The following ASAP3 variants were observed in gnomAD, a reference collection of about 807,000 sequenced individuals.
The protein encoded by ASAP3 is arf-GAP with SH3 domain, ANK repeat and PH domain-containing protein 3.
In ASAP3, 85 loss-of-function variants were observed where a neutral mutation model predicts 118.2. The observed-to-expected ratio is 0.72, with a 90% CI of 0.60 to 0.86. The LOEUF is 0.86. Among genes scored for constraint, ASAP3 ranks in the 40% least tolerant of loss-of-function variants. ASAP3 has a pLI of 0.00. For synonymous variants in ASAP3, 432 were observed against 477.4 expected (o/e 0.90, Z 1.24); for missense variants, 1,026 against 1,175.0 (o/e 0.87, Z 1.85).
At chr1:23,459,170 CAAA>C (rs59149141) in intron 1 of ASAP3, among the ~76,000 whole-genome samples, 4 of 68,294 alleles carry the variant, frequency 5.9e-5, no homozygotes, top group South Asian at 6.5e-4. Context: ...GACTCCATCT[CAAA>C]AAAAAAAAAA....
At position 23,441,652 on chromosome 1, in the gene ASAP3, T is replaced by TA. The variant is rs763480846; in HGVS notation, c.747+2dup. On this transcript the variant is annotated splice_region_variant and intron_variant, in intron 8 of 24. Transcript: ENST00000336689. ...ACGTGCCCAAGGGTGAGACCCAACT[T>TA]ACTGCATGTACTGAGGCCGCCAGCT... is the stretch of plus-strand genomic sequence containing the variant. The TA allele has an allele frequency of 5.6e-6, 9 of 1,614,086 alleles. No homozygotes were observed. Among genetic ancestry groups the TA allele is most frequent in the Non-Finnish European group, 7.6e-6 (9 of 1,180,008 alleles).
intron 1 of ASAP3, among the ~76,000 whole-genome samples, chr1:23,481,795 T>G (rs775543051): frequency 3.0e-4 from 45 of 152,330 alleles, no homozygotes; most frequent in Admixed American, 9.2e-4. Context: ...TGTCCATGGA[T>G]AAGGTTCATA....
upstream of ASAP3, chr1:23,484,336 C>G (rs973071401): frequency 2.2e-6 from 1 of 445,770 alleles, no homozygotes; most frequent in African/African-American, 2.1e-5. Context: ...CTTCCTCCAC[C>G]GCCAAGGTCC....
chr1:23,441,791 A>G, intron 7 of ASAP3, 61 bp from the exon 8 acceptor site: 1 of 1,579,942 alleles, frequency 6.3e-7, no homozygotes, highest in Non-Finnish European at 8.7e-7. Flanking sequence ...AGATGAAGCC[A>G]GAAGTGTGGG....
intron 23 of ASAP3, 130 bp downstream of exon 23, chr1:23,431,566 A>G (rs1036228186): frequency 1.0e-5 from 9 of 902,740 alleles, no homozygotes; most frequent in African/African-American, 8.6e-5. Flanking sequence ...GCATTTCTGC[A>G]TAAGTGATGG....
At chr1:23,453,067 C>CA (rs1372902621) in intron 3 of ASAP3, among the ~76,000 whole-genome samples, 1 of 152,076 alleles carries the variant, frequency 6.6e-6, no homozygotes, top group African/African-American at 2.4e-5. Context: ...CGAGGTGTGT[C>CA]AGAGTGAGCC....
chr1:23,445,357 G>T (rs1270487652), intron 5 of ASAP3, among the ~76,000 whole-genome samples: 1 of 152,080 alleles, frequency 6.6e-6, no homozygotes, highest in Admixed American at 6.5e-5. Context: ...CAGGCATGGT[G>T]GTGTGTGCCT....
chr1:23,442,423 G>C (rs1640905185), intron 6 of ASAP3, 78 bp downstream of exon 6: 2 of 1,596,338 alleles, frequency 1.3e-6, no homozygotes, highest in Non-Finnish European at 1.7e-6. Context: ...CTGAGCTGAG[G>C]CTGTGACTGG....
rs770615390 is a variant in ASAP3 at position 23,437,236 on chromosome 1, C to T, written c.1236G>A (p.Trp412Ter). 1.3e-6 allele frequency: 2 copies of T among 1,592,642 alleles called. No homozygotes were observed. The highest frequency in any genetic ancestry group is 1.1e-5 in the South Asian group (1 of 88,692). ...LGEPSAGPGS[W>*]GSAGHDGEPH... ...GCTCCCCATCATGGCCGGCGGACCC[C>T]CAGGACCCCGGGCCAGCGCTGGGCT... The change falls in exon 14 of 25, where the codon TGG becomes TGA. Residue 412 changes from tryptophan to a stop codon, truncating the protein, a stop_gained. Transcript: ENST00000336689. LOFTEE classifies it high-confidence loss of function. This position sits in a 1 kb window ranked among gnomAD's most constrained non-coding sequence, Gnocchi z 6.1.
chr1:23,476,833 C>T (rs1415412698), intron 1 of ASAP3, among the ~76,000 whole-genome samples: 1 of 152,136 alleles, frequency 6.6e-6, no homozygotes, highest in African/African-American at 2.4e-5. Flanking sequence ...ATCTGGAGCA[C>T]CCCCATACCA....
At chr1:23,439,103 A>G in intron 11 of ASAP3, 58 bp downstream of exon 11, 2 of 1,586,998 alleles carry the variant, frequency 1.3e-6, no homozygotes, top group Non-Finnish European at 1.7e-6. Context: ...ATTTGCTCAG[A>G]ACACCAGAAG....
upstream of ASAP3, chr1:23,484,218 G>T (rs1242534412): frequency 5.9e-6 from 7 of 1,193,922 alleles, no homozygotes; most frequent in Non-Finnish European, 7.3e-6. Flanking sequence ...CGCCGGCCGG[G>T]GGCGCCGTCC....
chr1:23,475,645 T>C (rs1642104201), intron 1 of ASAP3, among the ~76,000 whole-genome samples: 1 of 152,186 alleles, frequency 6.6e-6, no homozygotes, highest in South Asian at 2.1e-4. Flanking sequence ...ACATCTCCAC[T>C]TGGATGTCTC....
At chr1:23,463,502 A>T (rs1181250625) in intron 1 of ASAP3, among the ~76,000 whole-genome samples, 2 of 152,320 alleles carry the variant, frequency 1.3e-5, no homozygotes, top group East Asian at 1.9e-4. Flanking sequence ...TGAGTCAGTA[A>T]CTAAGATTCT....
chr1:23,462,832 A>C (rs924472027), intron 1 of ASAP3, among the ~76,000 whole-genome samples: 4 of 152,202 alleles, frequency 2.6e-5, no homozygotes, highest in African/African-American at 9.6e-5. Context: ...AGCCATTATA[A>C]GCAGACACTT....
chr1:23,434,261 A>G lies in ASAP3; in HGVS notation c.1944T>C (p.Val648=), dbSNP rs1008269485. The G allele has an allele frequency of 2.5e-6, 4 of 1,614,022 alleles. No individual in the cohort carries two copies. In the African/African-American group the frequency reaches 5.3e-5, roughly 22 times the overall value. ...LKLLLKGRAL[V]GTVNEAGETA... ...GAGGTATTCAAGCCCCACCTGTGCCAACCAAAGCTCTCCCCTTCAGCAGCA... is the reference window on the plus strand; with the variant it reads ...GAGGTATTCAAGCCCCACCTGTGCCGACCAAAGCTCTCCCCTTCAGCAGCA... The change falls in exon 19 of 25, where the codon GTT becomes GTC. Residue 648 remains valine (V), a synonymous_variant. Transcript: ENST00000336689.
Position 23,434,653 on chromosome 1 carries a change from C to A in ASAP3, c.1750-35G>T, listed in dbSNP as rs368235087. On this transcript the variant is annotated intron_variant, in intron 17 of 24. Transcript: ENST00000336689. ...CATCCACACCTCTGAGATTCCCCCC[C>A]CAGTGCACCTGCCTCCAACCCAGTA... is the stretch of plus-strand genomic sequence containing the variant. 9.1e-5 allele frequency: 145 copies of A among 1,598,024 alleles called. 1 individual carries two copies. In the South Asian group the frequency reaches 9.9e-4, roughly 11 times the overall value.
chr1:23,459,338 A>C (rs1370555977), intron 1 of ASAP3, among the ~76,000 whole-genome samples: 1 of 152,170 alleles, frequency 6.6e-6, no homozygotes, highest in Non-Finnish European at 1.5e-5. Flanking sequence ...GAGTATGTTC[A>C]TGCTCTAGAT....
In ASAP3 at chr1:23,437,496, T is replaced by C; in HGVS notation, c.1103-24A>G. On this transcript the variant is annotated intron_variant, in intron 12 of 24. Coordinates refer to ENST00000336689, the MANE Select transcript of ASAP3 (RefSeq NM_017707.4). This position sits in a 1 kb window ranked among gnomAD's most constrained non-coding sequence, Gnocchi z 6.1. ...GTCTGTCGGGAGAGAAGGGGGCTTC[T>C]GACCCACAGAAATGCTGCTGGCCTT... 1 of 1,613,790 alleles carries C rather than the reference T, an allele frequency of 6.2e-7. No individual in the cohort carries two copies. The highest frequency in any genetic ancestry group is 8.5e-7 in the Non-Finnish European group (1 of 1,179,814).
Sources: allele counts gnomAD v4.1 joint callset (sites outside exome capture counted in the v4.1 genomes callset), GRCh38; gene constraint gnomAD v4.1.1; non-coding constraint Gnocchi (gnomAD v3.1); transcripts MANE v1.5; gene names NCBI Gene and HGNC (gene_info 2026-07-23, HGNC 2026-07-21).